Variants in ITGA7 observed in about 807,000 individuals in gnomAD.
The protein encoded by ITGA7 is integrin alpha-7.
In ITGA7, 84 loss-of-function variants were observed where a neutral mutation model predicts 131.6. That is an observed-to-expected ratio of 0.64 (90% confidence interval 0.54 to 0.77). ITGA7 has a LOEUF of 0.77. Among genes scored for constraint, ITGA7 ranks in the 30% least tolerant of loss-of-function variants. The probability of loss-of-function intolerance (pLI) is 0.00; values close to 1 mark genes in which losing one functional copy is unlikely to be tolerated. For synonymous variants in ITGA7, 548 were observed against 600.7 expected, an observed-to-expected ratio of 0.91 and a Z score of 1.28; for missense variants, 1,399 against 1,482.9, an observed-to-expected ratio of 0.94 and a Z score of 0.93.
intron 8 of ITGA7, 28 bp downstream of exon 8, chr12:55,697,910 A>C: frequency 6.2e-7 from 1 of 1,613,814 alleles, no homozygotes; most frequent in Non-Finnish European, 8.5e-7. Flanking sequence ...ACCCACACCC[A>C]TTCCCTCATC....
rs1215914949 is a variant in ITGA7, at chr12:55,697,485, C to T, written c.1471G>A (p.Glu491Lys). 6.2e-7 allele frequency: 1 copy of T among 1,613,984 alleles called. No homozygotes were observed. The highest frequency in any genetic ancestry group is 1.3e-5 in the African/African-American group (1 of 74,932). ...VSIAPRSIDL[E>K]QPNCAGGHSV... ...TGGCCGCCAGCACAGTTGGGCTGCT[C>T]CAGGTCGATGCTTCGTGGAGCAATA... Residue 491 changes from glutamate to lysine, a missense_variant, in exon 10 of 25, where the codon GAG (glutamate) becomes AAG (lysine). Transcript: ENST00000257879.
At chr12:55,695,033 A>T in intron 14 of ITGA7, 63 bp from the exon 15 acceptor site, 1 of 1,505,492 alleles carries the variant, frequency 6.6e-7, no homozygotes, top group East Asian at 2.4e-5. Flanking sequence ...TCCCCCGCCC[A>T]GTCTGCTCCC....
chr12:55,715,980 C>G, upstream of ITGA7: 1 of 1,466,984 alleles, frequency 6.8e-7, no homozygotes, highest in Non-Finnish European at 9.0e-7. Flanking sequence ...TACCTCTCTT[C>G]CCCGCCAAGA....
intron 12 of ITGA7, among the ~76,000 whole-genome samples, chr12:55,696,697 AC>A (rs1382976708): frequency 6.6e-6 from 1 of 151,878 alleles, no homozygotes; most frequent in African/African-American, 2.4e-5. Flanking sequence ...AGCCCCTTGC[AC>A]CTCCTCCTCC....
intron 21 of ITGA7, among the ~76,000 whole-genome samples, chr12:55,689,907 C>T (rs1210421476): frequency 2.0e-5 from 3 of 152,192 alleles, no homozygotes; most frequent in African/African-American, 7.2e-5. Context: ...GCTGGGAAAA[C>T]TGGCTAGCCA....
intron 19 of ITGA7, 151 bp from the exon 20 acceptor site, chr12:55,693,468 G>A (rs1186416079): frequency 2.8e-6 from 2 of 705,264 alleles, no homozygotes; most frequent in East Asian, 2.7e-5. Context: ...CTGTAGTGCT[G>A]TGATTACAGG....
At chr12:55,716,035 CACAG>C (rs1203858975), upstream of ITGA7, 5 of 1,542,448 alleles carry the variant, frequency 3.2e-6, no homozygotes, top group Non-Finnish European at 4.4e-6. Flanking sequence ...CCTCACGTGA[CACAG>C]CGGTCACGTG....
chr12:55,698,789 G>T lies in ITGA7; in HGVS notation c.919C>A (p.Pro307Thr). 6.2e-7 allele frequency: 1 copy of T among 1,614,120 alleles called. No homozygotes were observed. The stretch of plus-strand genomic sequence containing the variant: ...CGCTCCCCAGACAGCATAACCTCGG[G>T]CACCAGGCGACTGGCGCTGTCCTTG... ...LRKDSASRLV[P>T]EVMLSGERLT... Residue 307 changes from proline to threonine, a missense_variant, in exon 6 of 25, where the codon CCC (proline) becomes ACC (threonine). Coordinates refer to ENST00000257879, the MANE Select transcript of ITGA7 (RefSeq NM_002206.3).
At chr12:55,706,544 GA>G (rs1393434090) in intron 1 of ITGA7, among the ~76,000 whole-genome samples, 1 of 152,196 alleles carries the variant, frequency 6.6e-6, no homozygotes, top group Admixed American at 6.5e-5. Context: ...AGGAGCAGGT[GA>G]GAAGCTTTCT....
Position 55,692,848 on chromosome 12 carries a change from G to T in ITGA7, c.2840C>A (p.Thr947Asn). Reference sequence around the variant, plus strand: ...CCGAGTCTGGCCTGCCCTCACCAGGGTGATGTTTTTCTTCTTCTCAGCAGA... The same window carrying T: ...CCGAGTCTGGCCTGCCCTCACCAGGTTGATGTTTTTCTTCTTCTCAGCAGA... ...VSSAEKKKNITLDCARGTANC... is the reference protein window; with the variant it reads ...VSSAEKKKNINLDCARGTANC... The change falls in exon 21 of 25, where the codon ACC (threonine) becomes AAC (asparagine). Residue 947 changes from threonine to asparagine, a missense_variant. Physicochemically the swap from Thr to Asn is moderately conservative, Grantham distance 65. Coordinates refer to ENST00000257879, the MANE Select transcript of ITGA7 (RefSeq NM_002206.3). 1 of 1,611,182 alleles carries T rather than the reference G, an allele frequency of 6.2e-7. No individual in the cohort carries two copies. Among genetic ancestry groups the T allele is most frequent in the South Asian group, 1.1e-5 (1 of 90,526 alleles).
chr12:55,714,359 A>C (rs1197806326), upstream of ITGA7, among the ~76,000 whole-genome samples: 1 of 151,036 alleles, frequency 6.6e-6, no homozygotes, highest in Non-Finnish European at 1.5e-5. Context: ...AAAAATACAA[A>C]AAAAAAAAAT....
At chr12:55,688,809 A>G in intron 22 of ITGA7, 35 bp downstream of exon 22, 2 of 1,506,892 alleles carry the variant, frequency 1.3e-6, no homozygotes, top group Non-Finnish European at 1.8e-6. Context: ...TTGGAGGAAG[A>G]AGAAACACAG....
rs753283257 is a variant in ITGA7, at chr12:55,696,354, C to A, written c.1816G>T (p.Ala606Ser). 12 of 1,589,746 alleles carry A rather than the reference C, an allele frequency of 7.5e-6. No homozygotes were observed. The African/African-American group carries it at 1.6e-4, about 21-fold the overall frequency. Residue 606 changes from alanine (A) to serine (S), a missense_variant, in exon 13 of 25, where the codon GCT (alanine) becomes TCT (serine). Ala to Ser is a moderately conservative substitution (Grantham distance 99). Transcript: ENST00000257879. ...ACTGGAGGCAGCCCCTGGCCAGGAGCCTGTCGCCGGAGCCGAGGGGTCTGG... is the reference window on the plus strand; with the variant it reads ...ACTGGAGGCAGCCCCTGGCCAGGAGACTGTCGCCGGAGCCGAGGGGTCTGG... ...SLQTPRLRRQAPGQGLPPVAP... is the reference protein window; with the variant it reads ...SLQTPRLRRQSPGQGLPPVAP...
At chr12:55,691,697 C>G (rs780616327) in intron 21 of ITGA7, among the ~76,000 whole-genome samples, 11 of 152,198 alleles carry the variant, frequency 7.2e-5, no homozygotes, top group Admixed American at 5.2e-4. Context: ...AAATCGGTCA[C>G]GTGGAGAAGG....
upstream of ITGA7, among the ~76,000 whole-genome samples, chr12:55,712,562 C>A (rs1194030600): frequency 6.6e-6 from 1 of 152,218 alleles, no homozygotes; most frequent in Non-Finnish European, 1.5e-5. Context: ...TGTGGAGTTG[C>A]ATTCATTCAG....
At chr12:55,716,394 A>G, upstream of ITGA7, 1 of 1,394,548 alleles carries the variant, frequency 7.2e-7, no homozygotes, top group East Asian at 2.8e-5. Flanking sequence ...CTTGGGCAAT[A>G]CTCCGGTCCC....
At chr12:55,700,450 C>T (rs1033936931) in intron 4 of ITGA7, 80 of 1,559,008 alleles carry the variant, frequency 5.1e-5, no homozygotes, top group East Asian at 9.0e-5. Context: ...CCCCTCAGGC[C>T]GGACACTGAG....
At position 55,700,971 on chromosome 12, in the gene ITGA7, C is replaced by G; in HGVS notation, c.598G>C (p.Gly200Arg). 1 of 1,614,228 alleles carries G rather than the reference C, an allele frequency of 6.2e-7. No homozygotes were observed. ...TCAGGGGAGAAGGCGGCAGCTGTGC[C>G]CTGCTGGCAGAACCCAAATTGTTCA... ...GHEQFGFCQQ[G>R]TAAAFSPDSH... Residue 200 changes from glycine (G) to arginine (R), a missense_variant, in exon 4 of 25, where the codon GGC becomes CGC. By Grantham distance (125) the Gly-to-Arg change is moderately radical (BLOSUM62 -2). Transcript: ENST00000257879.
chr12:55,697,568 C>G (rs369901244), intron 9 of ITGA7, 22 bp from the exon 10 acceptor site: 106 of 1,610,796 alleles, frequency 6.6e-5, no homozygotes, highest in Non-Finnish European at 8.5e-5. Context: ...GAGTCAAGAG[C>G]ACAAGAAACA....
Sources: allele counts gnomAD v4.1 joint callset (sites outside exome capture counted in the v4.1 genomes callset), GRCh38; gene constraint gnomAD v4.1.1; transcripts MANE v1.5; gene names NCBI Gene and HGNC (gene_info 2026-07-23, HGNC 2026-07-21).